LINGO3: variants seen among roughly 807,000 people sequenced by gnomAD.
The protein encoded by LINGO3 is leucine-rich repeat and immunoglobulin-like domain-containing nogo receptor-interacting protein 3.
For missense variants in LINGO3, 750 were observed against 867.7 expected (o/e 0.86, Z 1.70); for synonymous variants, 427 against 444.2 (o/e 0.96, Z 0.49).
rs745320732 is a variant in LINGO3, at chr19:2,290,148, G to A, written c.1629C>T (p.Leu543=). ...ACACGAACAGCAGCACGAAGCAGAA[G>A]AGGACCACGCCCAGGAAGGTGATGC... The change falls in exon 1 of 1, where the codon CTC becomes CTT. Residue 543 remains leucine, a synonymous_variant. Coordinates refer to ENST00000585527, the Ensembl canonical transcript of LINGO3. The surrounding 1 kb of genome is among the most constrained non-coding windows in gnomAD (Gnocchi z 6.0). The A allele has an allele frequency of 1.9e-6, 3 of 1,612,542 alleles. No homozygotes were observed. Among genetic ancestry groups the A allele is most frequent in the Non-Finnish European group, 2.5e-6 (3 of 1,179,650 alleles).
chr19:2,289,901 G>A (rs1456094617), exon 1 of LINGO3: 6 of 1,047,726 alleles, frequency 5.7e-6, no homozygotes, highest in African/African-American at 1.6e-5. Context: ...GGGGAGCGCC[G>A]TGCAGCCGTC....
At chr19:2,289,731 T>A, downstream of LINGO3, 57 of 177,674 alleles carry the variant, frequency 3.2e-4, no homozygotes, top group East Asian at 6.5e-4. Flanking sequence ...CCCCCCATCC[T>A]TGCAGCCCGC....
chr19:2,289,962 G>GGGGGAGGGGA (rs1410028010), exon 1 of LINGO3: 1 of 1,452,852 alleles, frequency 6.9e-7, no homozygotes, highest in Middle Eastern at 1.8e-4. Flanking sequence ...GCCGGCCCGC[G>GGGGGAGGGGA]GGGGAGGGGA....
At chr19:2,302,824 AGTGGGGGTCTGTCCTGAACAG>A in the LINGO3 span, among the ~76,000 whole-genome samples, 1 of 152,142 alleles carries the variant, frequency 6.6e-6, no homozygotes, top group Admixed American at 6.5e-5. Flanking sequence ...GGTGGACGGG[AGTGGGGGTCTGTCCTGAACAG>A]GTGGGGGTGG....
downstream of LINGO3, among the ~76,000 whole-genome samples, chr19:2,289,167 T>C (rs1315905850): frequency 2.0e-5 from 3 of 150,686 alleles, no homozygotes; most frequent in Admixed American, 6.6e-5. Flanking sequence ...GTCCCGGGTG[T>C]GAGCTCTGTG....
upstream of LINGO3, among the ~76,000 whole-genome samples, chr19:2,293,207 G>A (rs2025542923): frequency 1.3e-5 from 2 of 152,082 alleles, no homozygotes; most frequent in Admixed American, 1.3e-4. Context: ...TGGGGCTACA[G>A]GTGCCAGCCA....
At chr19:2,289,217 T>G (rs566955133), downstream of LINGO3, among the ~76,000 whole-genome samples, 1 of 145,562 alleles carries the variant, frequency 6.9e-6, no homozygotes. Flanking sequence ...TGAGCTGTGT[T>G]TCCCGGGTGT....
At chr19:2,293,721 T>C (rs2025548303), upstream of LINGO3, among the ~76,000 whole-genome samples, 1 of 151,790 alleles carries the variant, frequency 6.6e-6, no homozygotes, top group African/African-American at 2.4e-5. Flanking sequence ...GAGATGACAT[T>C]TGATCTCAGA....
chr19:2,293,005 T>C (rs1354928106), upstream of LINGO3, among the ~76,000 whole-genome samples: 2 of 152,162 alleles, frequency 1.3e-5, no homozygotes, highest in Non-Finnish European at 2.9e-5. Flanking sequence ...GGATGCACCT[T>C]GAGGACGCCA....
chr19:2,287,658 G>A (rs2025479743), downstream of LINGO3, among the ~76,000 whole-genome samples: 1 of 152,184 alleles, frequency 6.6e-6, no homozygotes, highest in Non-Finnish European at 1.5e-5. This position sits in a 1 kb window ranked among gnomAD's most constrained non-coding sequence, Gnocchi z 4.5. Flanking sequence ...CTGGCTGATC[G>A]ATCTCAGAGC....
chr19:2,295,766 C>T (rs550116167), upstream of LINGO3, among the ~76,000 whole-genome samples: 4 of 152,148 alleles, frequency 2.6e-5, no homozygotes, highest in South Asian at 6.2e-4. Context: ...TAAGGTGAAA[C>T]GCCAAACTGA....
chr19:2,291,327 G>C (rs373311802), exon 1 of LINGO3: 11 of 1,613,158 alleles, frequency 6.8e-6, no homozygotes, highest in African/African-American at 1.3e-5. Flanking sequence ...GGCGCAGGCT[G>C]TGCAGGTCCT....
chr19:2,293,366 T>C (rs1263028018), upstream of LINGO3, among the ~76,000 whole-genome samples: 2 of 130,614 alleles, frequency 1.5e-5, no homozygotes, highest in African/African-American at 5.8e-5. Flanking sequence ...GCCTGGCCTT[T>C]TTTTTTTTTT....
exon 1 of LINGO3, chr19:2,291,584 G>A (rs1342153699): frequency 1.9e-6 from 3 of 1,553,864 alleles, no homozygotes; most frequent in Admixed American, 3.9e-5. Context: ...CAGCGGATGC[G>A]GTTGCGGCTG....
At chr19:2,307,333 C>T in the LINGO3 span, among the ~76,000 whole-genome samples, 2 of 152,316 alleles carry the variant, frequency 1.3e-5, no homozygotes, top group South Asian at 2.1e-4. Context: ...GTTGAGAAAC[C>T]CAGTTACATG....
the LINGO3 span, among the ~76,000 whole-genome samples, chr19:2,300,194 G>A: frequency 6.6e-6 from 1 of 151,504 alleles, no homozygotes; most frequent in South Asian, 2.1e-4. Flanking sequence ...ACCACACCTG[G>A]CTCATTTTTG....
chr19:2,301,332 T>C, the LINGO3 span, among the ~76,000 whole-genome samples: 1 of 147,770 alleles, frequency 6.8e-6, no homozygotes, highest in Non-Finnish European at 1.5e-5. Flanking sequence ...TGTGGATGAC[T>C]CTCTGTCTTG....
the LINGO3 span, among the ~76,000 whole-genome samples, chr19:2,304,888 C>T: frequency 0.13 from 19,840 of 151,550 alleles, 1,800 homozygotes; most frequent in African/African-American, 0.24. Context: ...TTTGTATTTT[C>T]AGTAGAGATG....
upstream of LINGO3, among the ~76,000 whole-genome samples, chr19:2,296,085 C>G (rs190264333): frequency 4.3e-4 from 65 of 152,300 alleles, no homozygotes; most frequent in Non-Finnish European, 5.3e-4. Flanking sequence ...TCCTTCCCTC[C>G]CAGCAAGCTC....
Sources: allele counts gnomAD v4.1 joint callset (sites outside exome capture counted in the v4.1 genomes callset), GRCh38; gene constraint gnomAD v4.1.1; non-coding constraint Gnocchi (gnomAD v3.1); transcripts MANE v1.5; gene names NCBI Gene and HGNC (gene_info 2026-07-23, HGNC 2026-07-21).